Variants in TPT1 observed in about 807,000 individuals in gnomAD.
TPT1 encodes translationally-controlled tumor protein.
In TPT1, 5 loss-of-function variants were observed where a neutral mutation model predicts 22.8. That is an observed-to-expected ratio of 0.22 (90% CI 0.11 to 0.46). The LOEUF is 0.46. Ranked by LOEUF, TPT1 falls within the 20% of genes least tolerant of loss-of-function variation. The pLI is 0.99. For synonymous variants in TPT1, 89 were observed against 73.6 expected (o/e 1.21, Z -1.07); for missense variants, 130 against 218.7 (o/e 0.59, Z 2.56).
In TPT1 at chr13:45,340,194, GA is replaced by G. The variant is rs769226754; in HGVS notation, c.103-11del. On this transcript the variant is annotated splice_polypyrimidine_tract_variant and intron_variant, in intron 2 of 5. Coordinates refer to ENST00000530705, the MANE Select transcript of TPT1 (RefSeq NM_003295.4). The stretch of plus-strand genomic sequence containing the variant: ...CTGTCCTACTGACCATCTGCATTAA[GA>G]AAAAGCAGTATAATTGCAAAAGACA... 22 of 1,602,868 alleles carry G rather than the reference GA, an allele frequency of 1.4e-5. 1 individual carries two copies. In the South Asian group the frequency reaches 1.9e-4, roughly 14 times the overall value.
intron 5 of TPT1, chr13:45,338,458 T>C: frequency 9.1e-7 from 1 of 1,098,746 alleles, no homozygotes; most frequent in Non-Finnish European, 1.3e-6. Context: ...ACTCAACGTT[T>C]TCCACAAATA....
chr13:45,340,171 G>T lies in TPT1; in HGVS notation c.116C>A (p.Thr39Lys), dbSNP rs377144793. 4.3e-6 allele frequency: 7 copies of T among 1,611,728 alleles called. No homozygotes were observed. In the Admixed American group the frequency reaches 6.7e-5, roughly 15 times the overall value. The change falls in exon 3 of 6, where the codon ACA becomes AAA. Residue 39 changes from threonine to lysine, a missense_variant. Transcript: ENST00000530705. ...LEVEGKMVSR[T>K]EGNIDDSLIG... Reference sequence around the variant, plus strand: ...GAGCGAGTCATCAATGTTACCTTCTGTCCTACTGACCATCTGCATTAAGAA... The same window carrying T: ...GAGCGAGTCATCAATGTTACCTTCTTTCCTACTGACCATCTGCATTAAGAA...
rs1878719774 is a variant in TPT1 at position 45,336,632 on chromosome 13, A to T, written c.*754T>A. 1 of 152,216 alleles carries T rather than the reference A, an allele frequency of 6.6e-6. No individual in the cohort carries two copies. The highest frequency in any genetic ancestry group is 1.5e-5 in the Non-Finnish European group (1 of 68,052). The allele number at this position is 152,216 out of a possible 1,614,324, so 9.4% of individuals were successfully genotyped here. On this transcript the variant is annotated 3_prime_UTR_variant, in exon 6 of 6. Transcript: ENST00000530705. ...TGACAACAGCCACAGTCAATCCATA[A>T]ATGAATAAGCATAGCCACGTTCCAA...
Position 45,336,364 on chromosome 13 carries a change from G to A in TPT1, c.*1022C>T, listed in dbSNP as rs929963893. ...GCTGCCACAATTAGACAGACGGAAAGCGCAAGGACATGTTCTTCTTGCATC... is the reference window on the plus strand; with the variant it reads ...GCTGCCACAATTAGACAGACGGAAAACGCAAGGACATGTTCTTCTTGCATC... On this transcript the variant is annotated 3_prime_UTR_variant, in exon 6 of 6. Coordinates refer to ENST00000530705, the MANE Select transcript of TPT1 (RefSeq NM_003295.4). The A allele has an allele frequency of 3.3e-5, 5 of 152,204 alleles. No homozygotes were observed. Among genetic ancestry groups the A allele is most frequent in the African/African-American group, 1.2e-4 (5 of 41,464 alleles). The allele number at this position is 152,204 out of a possible 1,614,324, so 9.4% of individuals were successfully genotyped here. A position where few individuals can be genotyped will look rare whatever the true frequency, so the allele number is the denominator to read the frequency against.
chr13:45,337,853 T>C (rs1410463256), intron 5 of TPT1, among the ~76,000 whole-genome samples: 2 of 152,242 alleles, frequency 1.3e-5, no homozygotes, highest in African/African-American at 4.8e-5. Context: ...CCTTTGTTTC[T>C]GTACAGCTTC....
intron 1 of TPT1, 79 bp from the exon 2 acceptor site, chr13:45,340,864 G>A: frequency 6.9e-7 from 1 of 1,456,690 alleles, no homozygotes; most frequent in South Asian, 1.4e-5. Context: ...GCGGCCGCAC[G>A]CGGGATCTGC....
Position 45,341,156 on chromosome 13 carries a change from C to T in TPT1, c.-87G>A, listed in dbSNP as rs898641142. ...AGCGCGGTGCAGCCGGAGCGGCGCT[C>T]GGGGGGAGGGGGGAGCGGGCGGAAA... is the stretch of plus-strand genomic sequence containing the variant. On this transcript the variant is annotated 5_prime_UTR_variant, in exon 1 of 6. Coordinates refer to ENST00000530705, the MANE Select transcript of TPT1 (RefSeq NM_003295.4). 2.6e-6 allele frequency: 4 copies of T among 1,567,052 alleles called. No individual in the cohort carries two copies. Among genetic ancestry groups the T allele is most frequent in the African/African-American group, 2.7e-5 (2 of 73,628 alleles).
chr13:45,337,535 G>A (rs577690999), intron 5 of TPT1, 147 bp from the exon 6 acceptor site: 9 of 1,612,930 alleles, frequency 5.6e-6, no homozygotes, highest in African/African-American at 5.3e-5. Flanking sequence ...AAAGCGCAGG[G>A]ATTTCTTTCT....
chr13:45,340,627 G>C (rs541595368), intron 2 of TPT1, 85 bp downstream of exon 2: 1 of 1,451,346 alleles, frequency 6.9e-7, no homozygotes, highest in Non-Finnish European at 9.5e-7. Flanking sequence ...CGGCGGGGAG[G>C]ATTGCACAAC....
At chr13:45,337,528 G>A (rs556097623) in intron 5 of TPT1, 140 bp from the exon 6 acceptor site, 143 of 1,613,378 alleles carry the variant, frequency 8.9e-5, no homozygotes, top group East Asian at 4.0e-4. Flanking sequence ...CAGACAGAAA[G>A]CGCAGGGATT....
chr13:45,339,973 G>A lies in TPT1; in HGVS notation c.293+21C>T, dbSNP rs190614911. ...CCTGTAAGATTCTAGACATCAGCTA[G>A]GTACTGCCAGTATCACTTACGATTT... On this transcript the variant is annotated intron_variant, in intron 3 of 5. Coordinates refer to ENST00000530705, the MANE Select transcript of TPT1 (RefSeq NM_003295.4). 192 of 1,612,708 alleles carry A rather than the reference G, an allele frequency of 1.2e-4. No homozygotes were observed. In the East Asian group the frequency reaches 4.1e-3, roughly 34 times the overall value.
intron 5 of TPT1, 97 bp from the exon 6 acceptor site, chr13:45,337,485 T>G: frequency 1.2e-6 from 2 of 1,614,126 alleles, no homozygotes; most frequent in Non-Finnish European, 1.7e-6. Context: ...GCTAAAGATG[T>G]ATTCCCCAAT....
chr13:45,340,591 G>T (rs756613961), intron 2 of TPT1, 121 bp downstream of exon 2: 11 of 1,214,568 alleles, frequency 9.1e-6, no homozygotes, highest in South Asian at 6.4e-5. Context: ...CCCAAGCCCG[G>T]AAAGAGCGTC....
chr13:45,340,761 T>C lies in TPT1; in HGVS notation c.53A>G (p.Tyr18Cys). Residue 18 changes from tyrosine to cysteine, a missense_variant, in exon 2 of 6, where the codon TAC becomes TGC. Coordinates refer to ENST00000530705, the MANE Select transcript of TPT1 (RefSeq NM_003295.4). ...CCCGTCCGCGATCTCCCGGATCTTG[T>C]AGATGTCGGAGAACATCTCATCGTC... ...ISHDEMFSDI[Y>C]KIREIADGLC... 6.6e-7 allele frequency: 1 copy of C among 1,518,594 alleles called. No individual in the cohort carries two copies. The highest frequency in any genetic ancestry group is 2.3e-5 in the East Asian group (1 of 43,930). The allele number at this position is 1,518,594 out of a possible 1,614,324, so 94.1% of individuals were successfully genotyped here.
rs1450308200 is a variant in TPT1, at chr13:45,339,984, T to C, written c.293+10A>G. 6.2e-7 allele frequency: 1 copy of C among 1,613,654 alleles called. No homozygotes were observed. Among genetic ancestry groups the C allele is most frequent in the African/African-American group, 1.3e-5 (1 of 74,928 alleles). On this transcript the variant is annotated intron_variant, in intron 3 of 5. Coordinates refer to ENST00000530705, the MANE Select transcript of TPT1 (RefSeq NM_003295.4). ...CTAGACATCAGCTAGGTACTGCCAG[T>C]ATCACTTACGATTTCATGTAATCTT... is the stretch of plus-strand genomic sequence containing the variant.
chr13:45,340,681 A>AG, intron 2 of TPT1, 31 bp downstream of exon 2: 1 of 1,558,540 alleles, frequency 6.4e-7, no homozygotes, highest in South Asian at 1.2e-5. Flanking sequence ...CTCGGCCCGG[A>AG]CTCCCCCACG....
intron 5 of TPT1, chr13:45,337,665 A>G (rs931208634): frequency 4.7e-6 from 5 of 1,075,170 alleles, no homozygotes; most frequent in Non-Finnish European, 7.0e-6. Flanking sequence ...GGCATGTACC[A>G]CCCACACCCT....
At position 45,335,077 on chromosome 13, in the gene TPT1, T is replaced by C. The variant is rs1213988859; in HGVS notation, c.*2309A>G. 6.6e-6 allele frequency: 1 copy of C among 152,238 alleles called. No homozygotes were observed. The highest frequency in any genetic ancestry group is 2.4e-5 in the African/African-American group (1 of 41,466). 9.4% of individuals were successfully genotyped at this position (152,238 alleles called of 1,614,324 possible). A position where few individuals can be genotyped will look rare whatever the true frequency, so the allele number is the denominator to read the frequency against. On this transcript the variant is annotated 3_prime_UTR_variant, in exon 6 of 6. Transcript: ENST00000530705. ...GCCCACAGGCTACTAAAGCATGCCT[T>C]TGTTAAACTTAGCATCAAAAACAAA...
Position 45,338,675 on chromosome 13 carries a change from T to C in TPT1, c.501A>G (p.Leu167=). 6.2e-7 allele frequency: 1 copy of C among 1,613,464 alleles called. No individual in the cohort carries two copies. The highest frequency in any genetic ancestry group is 2.2e-5 in the East Asian group (1 of 44,862). The change falls in exon 5 of 6, where the codon TTA becomes TTG. Residue 167 remains leucine, a synonymous_variant. Coordinates refer to ENST00000530705, the MANE Select transcript of TPT1 (RefSeq NM_003295.4). ...TTGTACTTACACATTTTTCCATTTC[T>C]AAACCATCCTTAAAGAAAATCATAT... ...TPYMIFFKDG[L]EMEKC is the part of the protein sequence containing the mutation.
Sources: allele counts gnomAD v4.1 joint callset (sites outside exome capture counted in the v4.1 genomes callset), GRCh38; gene constraint gnomAD v4.1.1; transcripts MANE v1.5; gene names NCBI Gene and HGNC (gene_info 2026-07-23, HGNC 2026-07-21).